The following DNAH8 variants were observed in gnomAD, a reference collection of about 807,000 sequenced individuals.
DNAH8 encodes the protein axonemal beta dynein heavy chain 8.
A neutral mutation model predicts 562.1 loss-of-function variants in DNAH8; 382 were observed. The observed-to-expected ratio is 0.68, with a 90% CI of 0.63 to 0.74. The LOEUF (loss-of-function observed/expected upper bound fraction) is 0.74. DNAH8 is among the 30% of genes least tolerant of loss of function. The probability of loss-of-function intolerance (pLI) is 0.00; values close to 1 mark genes in which losing one functional copy is unlikely to be tolerated. For synonymous variants in DNAH8, 1,881 were observed against 1,919.4 expected (o/e 0.98, Z 0.52); for missense variants, 5,203 against 5,620.4 (o/e 0.93, Z 2.37).
chr6:38,909,932 G>A (rs917685281), intron 65 of DNAH8, among the ~76,000 whole-genome samples, 188 bp downstream of exon 65: 1 of 152,160 alleles, frequency 6.6e-6, no homozygotes, highest in Non-Finnish European at 1.5e-5. Flanking sequence ...ATTTAAAAAC[G>A]AACTAGTGTC....
chr6:39,008,207 T>C (rs1178703682), intron 88 of DNAH8, among the ~76,000 whole-genome samples: 1 of 152,052 alleles, frequency 6.6e-6, no homozygotes, highest in African/African-American at 2.4e-5. Context: ...ATTCTAGAAC[T>C]TAGCTCAGTG....
chr6:38,988,236 G>A (rs746374801), intron 87 of DNAH8, among the ~76,000 whole-genome samples: 1 of 152,156 alleles, frequency 6.6e-6, no homozygotes. Context: ...GGGTATGACC[G>A]CTCACAAAGT....
In DNAH8 at chr6:38,988,198, G is replaced by A. The variant is rs372758725; in HGVS notation, c.13054-1814G>A. On this transcript the variant is annotated intron_variant, in intron 87 of 92. Transcript: ENST00000327475. ...CTTACAGAGTCTCTCTGCTAAAAGC[G>A]ATTGCAGAACTGTATTGGATGTTCA... Among the ~76,000 whole-genome samples the A allele has an allele frequency of 3.3e-4, 50 of 152,248 alleles. 1 individual carries two copies. Among genetic ancestry groups the A allele is most frequent in the Admixed American group, 3.1e-3 (47 of 15,300 alleles).
At chr6:38,908,267 A>G in intron 64 of DNAH8, 147 bp downstream of exon 64, 1 of 459,756 alleles carries the variant, frequency 2.2e-6, no homozygotes, top group East Asian at 3.5e-5. Flanking sequence ...CACAATCTCC[A>G]TTGACCAAAT....
At position 38,779,949 on chromosome 6, in the gene DNAH8, G is replaced by A. The variant is rs770649036; in HGVS notation, c.2040-17G>A. ...TTCTCATTTACTTTTTAACCATTCA[G>A]CTTTGATTACTTTTAGGTTTCAGAA... is the stretch of plus-strand genomic sequence containing the variant. On this transcript the variant is annotated splice_polypyrimidine_tract_variant and intron_variant, in intron 14 of 92. Transcript: ENST00000327475. 5.0e-6 allele frequency: 8 copies of A among 1,607,282 alleles called. No homozygotes were observed. In the South Asian group the frequency reaches 6.6e-5, roughly 13 times the overall value.
chr6:38,856,519 C>G (rs1776210041), intron 41 of DNAH8, among the ~76,000 whole-genome samples: 1 of 152,028 alleles, frequency 6.6e-6, no homozygotes, highest in African/African-American at 2.4e-5. Flanking sequence ...CTTTGTCTTT[C>G]CCCCCTTGGA....
At chr6:38,892,934 A>G (rs990761494) in intron 58 of DNAH8, among the ~76,000 whole-genome samples, 2 of 151,974 alleles carry the variant, frequency 1.3e-5, no homozygotes, top group African/African-American at 4.8e-5. Flanking sequence ...GACTGTTCCA[A>G]TCATCCTCTA....
In DNAH8 at chr6:38,750,580, C is replaced by A; in HGVS notation, c.1398C>A (p.Asn466Lys). The change falls in exon 9 of 93, where the codon AAC becomes AAA. Residue 466 changes from asparagine to lysine, a missense_variant. Asn to Lys is a moderately conservative substitution (Grantham distance 94, BLOSUM62 0). Around this residue, in one of 6 missense-constraint regions of DNAH8, gnomAD observed 2,176 missense variants for 2,365.1 expected, o/e 0.92. Transcript: ENST00000327475. ...TLEKVCQPLY[N>K]HDLVSMAHGI... ...AAAAAGTGTGTCAACCTCTCTATAA[C>A]CATGACCTAGTAAGTATGCTTTTAA... 1 of 1,585,914 alleles carries A rather than the reference C, an allele frequency of 6.3e-7. No homozygotes were observed. The highest frequency in any genetic ancestry group is 1.1e-5 in the South Asian group (1 of 89,228).
In DNAH8 at chr6:38,938,818, C is replaced by A. The variant is rs142032754; in HGVS notation, c.11837C>A (p.Pro3946His). ...TTCAGATCTGAAAAGTCACCACTAC[C>A]TCAAAAGAGAATTACAAATATTATC... ...SMARSEKSPL[P>H]QKRITNIIEY... is the part of the protein sequence containing the mutation. The change falls in exon 79 of 93, where the codon CCT becomes CAT. Residue 3946 changes from proline to histidine, a missense_variant. This residue lies in a region of DNAH8 where 1,399 missense variants were observed against 1,518.4 expected (regional missense o/e 0.92). Transcript: ENST00000327475. The A allele has an allele frequency of 1.9e-6, 3 of 1,609,184 alleles. No individual in the cohort carries two copies. In the East Asian group the frequency reaches 6.7e-5, roughly 36 times the overall value.
intron 71 of DNAH8, 125 bp downstream of exon 71, chr6:38,921,631 G>T: frequency 1.9e-6 from 2 of 1,066,640 alleles, no homozygotes; most frequent in Non-Finnish European, 2.6e-6. Context: ...TATCTGCTTT[G>T]GATCTTTGGT....
intron 42 of DNAH8, among the ~76,000 whole-genome samples, chr6:38,859,886 TCCTAAACC>T (rs1222685241): frequency 6.6e-6 from 1 of 152,142 alleles, no homozygotes; most frequent in Non-Finnish European, 1.5e-5. Flanking sequence ...TGAAGACAAT[TCCTAAACC>T]CCTTCCCATG....
intron 32 of DNAH8, 151 bp downstream of exon 32, chr6:38,834,792 A>ACTC: frequency 1.7e-6 from 1 of 603,116 alleles, no homozygotes; most frequent in Non-Finnish European, 2.9e-6. Flanking sequence ...GATGCAATTG[A>ACTC]CTCCTCTGTC....
chr6:38,836,805 GC>G (rs1774343589), intron 32 of DNAH8, among the ~76,000 whole-genome samples: 1 of 152,058 alleles, frequency 6.6e-6, no homozygotes, highest in Admixed American at 6.5e-5. Flanking sequence ...GAGTTCTTGG[GC>G]ACCCTGCTGG....
At chr6:38,772,833 A>T (rs1311245884) in intron 12 of DNAH8, among the ~76,000 whole-genome samples, 1 of 149,756 alleles carries the variant, frequency 6.7e-6, no homozygotes, top group African/African-American at 2.4e-5. Context: ...TTAAATTAAA[A>T]AAATTGAGAT....
chr6:38,989,949 C>A, intron 87 of DNAH8, 63 bp from the exon 88 acceptor site: 1 of 941,280 alleles, frequency 1.1e-6, no homozygotes, highest in Non-Finnish European at 1.6e-6. Flanking sequence ...CCTCTCCTTT[C>A]TTGTAGCAGT....
At chr6:38,752,399 A>G (rs565062363) in intron 9 of DNAH8, among the ~76,000 whole-genome samples, 31 of 152,320 alleles carry the variant, frequency 2.0e-4, no homozygotes, top group South Asian at 4.1e-4. Flanking sequence ...CCCGACCTCA[A>G]GTGATCTGCC....
chr6:38,958,928 G>A (rs900677777), intron 82 of DNAH8, among the ~76,000 whole-genome samples: 7 of 151,998 alleles, frequency 4.6e-5, no homozygotes, highest in Non-Finnish European at 5.9e-5. Context: ...ACAGTGCTCC[G>A]AAAGATCATT....
intron 82 of DNAH8, among the ~76,000 whole-genome samples, chr6:38,956,778 C>T (rs1290667756): frequency 1.3e-5 from 2 of 152,110 alleles, no homozygotes; most frequent in Admixed American, 1.3e-4. Flanking sequence ...ATATTAGATA[C>T]ACTAAAACTA....
At chr6:38,925,028 A>G (rs765637245) in intron 73 of DNAH8, 1 of 152,208 alleles carries the variant, frequency 6.6e-6, no homozygotes, top group Non-Finnish European at 1.5e-5. Flanking sequence ...CTGGTTTGCA[A>G]ATCTGCTCTC....
Sources: gnomAD v4.1 joint callset for allele counts (sites outside exome capture counted in the v4.1 genomes callset) on GRCh38, gnomAD v4.1.1 for gene constraint, gnomAD v4.1.1 regional missense constraint, MANE v1.5 for transcripts, NCBI Gene and HGNC (gene_info 2026-07-23, HGNC 2026-07-21) for gene names.